Variants in SETX observed in about 807,000 individuals in gnomAD.
SETX encodes the protein helicase senataxin.
A neutral mutation model predicts 227.2 loss-of-function variants in SETX; 90 were observed. That is an observed-to-expected ratio of 0.40 (90% CI 0.33 to 0.47). The LOEUF is 0.47. Ranked by LOEUF, SETX falls within the 20% of genes least tolerant of loss-of-function variation. SETX has a pLI of 0.91. For missense variants in SETX, 3,052 were observed against 3,181.5 expected (o/e 0.96, Z 0.98); for synonymous variants, 1,210 against 1,113.2 (o/e 1.09, Z -1.73).
chr9:132,328,678 T>G lies in SETX; in HGVS notation c.2920A>C (p.Ile974Leu). ...KLSLLAQASV[I>L]TFPSDSPQNS... The stretch of plus-strand genomic sequence containing the variant: ...TGAGGTGAATCGGATGGGAACGTAA[T>G]AACACTGGCTTGAGCTAGTAAAGAT... The change falls in exon 10 of 26, where the codon ATT (isoleucine) becomes CTT (leucine). Residue 974 changes from isoleucine (I) to leucine (L), a missense_variant. Physicochemically the swap from Ile to Leu is conservative, Grantham distance 5. Around this residue, in one of 10 missense-constraint regions of SETX, gnomAD observed 1,483 missense variants for 1,312.0 expected, o/e 1.13. Transcript: ENST00000224140. 1 of 1,613,788 alleles carries G rather than the reference T, an allele frequency of 6.2e-7. No homozygotes were observed. The highest frequency in any genetic ancestry group is 8.5e-7 in the Non-Finnish European group (1 of 1,179,844).
chr9:132,310,456 T>C (rs902257172), intron 11 of SETX, among the ~76,000 whole-genome samples: 2 of 152,242 alleles, frequency 1.3e-5, no homozygotes, highest in African/African-American at 4.8e-5. Context: ...GTGATCATAG[T>C]AGCATTATTC....
chr9:132,317,419 C>T (rs1371802058), intron 10 of SETX, among the ~76,000 whole-genome samples: 1 of 152,202 alleles, frequency 6.6e-6, no homozygotes, highest in Non-Finnish European at 1.5e-5. Flanking sequence ...CAGCTGTCAT[C>T]TACAACTGTT....
intron 10 of SETX, among the ~76,000 whole-genome samples, chr9:132,324,068 G>A (rs1564533287): frequency 6.6e-6 from 1 of 152,096 alleles, no homozygotes; most frequent in Non-Finnish European, 1.5e-5. Context: ...AATGGAACTT[G>A]TGCTCATTCT....
chr9:132,344,174 T>G (rs1848158030), intron 4 of SETX, among the ~76,000 whole-genome samples: 1 of 152,172 alleles, frequency 6.6e-6, no homozygotes, highest in Admixed American at 6.5e-5. Context: ...AAAAGATCCA[T>G]GTATGACTGG....
rs1842448349 is a variant in SETX at position 132,262,469 on chromosome 9, T to C, written c.*1770A>G. 2 of 152,242 alleles carry C rather than the reference T, an allele frequency of 1.3e-5. No homozygotes were observed. The highest frequency in any genetic ancestry group is 4.8e-5 in the African/African-American group (2 of 41,434). The allele number at this position is 152,242 out of a possible 1,614,324, so 9.4% of individuals were successfully genotyped here. ...CTTCCCAAAGGCACATGGAAGAAGCTGATAGAGCCCTTGACCCAGACAGAA... is the reference window on the plus strand; with the variant it reads ...CTTCCCAAAGGCACATGGAAGAAGCCGATAGAGCCCTTGACCCAGACAGAA... On this transcript the variant is annotated 3_prime_UTR_variant, in exon 26 of 26. Transcript: ENST00000224140.
intron 25 of SETX, chr9:132,269,311 A>G: frequency 1.5e-5 from 14 of 910,988 alleles, no homozygotes; most frequent in Non-Finnish European, 2.1e-5. Context: ...ACTAAGTGCC[A>G]AGCAATTGCT....
Position 132,275,229 on chromosome 9 carries a change from T to C in SETX, c.7100+27A>G, listed in dbSNP as rs2296865. The C allele has an allele frequency of 0.14, 221,016 of 1,607,116 alleles. 19,889 individuals carry two copies. Among genetic ancestry groups the C allele is most frequent in the East Asian group, 0.45 (20,322 of 44,778 alleles). On this transcript the variant is annotated intron_variant, in intron 23 of 25. Coordinates refer to ENST00000224140, the MANE Select transcript of SETX (RefSeq NM_015046.7). ...CTCTCATTCTAATTCAACAAGAAAA[T>C]TGGAAATATTTATAAAAATGCCTCA... is the stretch of plus-strand genomic sequence containing the variant.
intron 2 of SETX, among the ~76,000 whole-genome samples, chr9:132,351,169 C>G (rs530229964): frequency 7.9e-5 from 12 of 151,740 alleles, no homozygotes; most frequent in Non-Finnish European, 1.3e-4. Context: ...TTTCCGGTAA[C>G]CTAGTTTAAT....
intron 10 of SETX, among the ~76,000 whole-genome samples, chr9:132,321,697 A>G: frequency 6.7e-6 from 1 of 150,236 alleles, no homozygotes; most frequent in African/African-American, 2.4e-5. Context: ...AACCCACAAA[A>G]ATTAGCCGGG....
At chr9:132,302,199 T>C (rs1366653845) in intron 11 of SETX, among the ~76,000 whole-genome samples, 1 of 150,264 alleles carries the variant, frequency 6.7e-6, no homozygotes, top group Non-Finnish European at 1.5e-5. Flanking sequence ...CTACTAAAAA[T>C]ACAAAAAATT....
At chr9:132,298,454 C>T (rs1844802649) in intron 12 of SETX, 142 bp from the exon 13 acceptor site, 11 of 752,972 alleles carry the variant, frequency 1.5e-5, no homozygotes, top group Admixed American at 2.1e-5. Context: ...TTATGGACTG[C>T]TTCCTGAACC....
Position 132,349,351 on chromosome 9 carries a change from C to G in SETX, c.78G>C (p.Pro26=). 6.2e-7 allele frequency: 1 copy of G among 1,614,038 alleles called. No individual in the cohort carries two copies. Among genetic ancestry groups the G allele is most frequent in the Non-Finnish European group, 8.5e-7 (1 of 1,180,016 alleles). Residue 26 remains proline (P), a synonymous_variant, in exon 3 of 26, where the codon CCG becomes CCC. Transcript: ENST00000224140. The part of the protein sequence containing the change: ...DFLKRYASNT[P]SGEFQTADED... ...CGTCGGCTGTTTGAAATTCACCGGA[C>G]GGAGTGTTGGAAGCATAGCGCTTTA...
chr9:132,349,617 T>C (rs1232118613), intron 2 of SETX, among the ~76,000 whole-genome samples, 182 bp from the exon 3 acceptor site: 1 of 152,204 alleles, frequency 6.6e-6, no homozygotes, highest in African/African-American at 2.4e-5. Context: ...CCTTCTATTT[T>C]TGACATACGA....
At chr9:132,343,420 C>T (rs1848112088) in intron 4 of SETX, among the ~76,000 whole-genome samples, 1 of 152,096 alleles carries the variant, frequency 6.6e-6, no homozygotes, top group African/African-American at 2.4e-5. Flanking sequence ...GGTTATAGGT[C>T]CAACTCCATT....
At position 132,328,101 on chromosome 9, in the gene SETX, T is replaced by C. The variant is rs1554820858; in HGVS notation, c.3497A>G (p.Glu1166Gly). The C allele has an allele frequency of 1.2e-6, 2 of 1,614,078 alleles. No individual in the cohort carries two copies. The highest frequency in any genetic ancestry group is 1.6e-4 in the Middle Eastern group (1 of 6,062). ...CACAGGATCTTCAGCCATTGGTTTT[T>C]CAGATCGTTTTCTCTTAGGCTTTTT... ...EVKKPKRKRSEKPMAEDPVRP... is the reference protein window; with the variant it reads ...EVKKPKRKRSGKPMAEDPVRP... The change falls in exon 10 of 26, where the codon GAA (glutamate) becomes GGA (glycine). Residue 1166 changes from glutamate (E) to glycine (G), a missense_variant. Around this residue, in one of 10 missense-constraint regions of SETX, gnomAD observed 1,483 missense variants for 1,312.0 expected, o/e 1.13. Transcript: ENST00000224140.
In SETX at chr9:132,327,244, G is replaced by C. The variant is rs761029791; in HGVS notation, c.4354C>G (p.Pro1452Ala). The C allele has an allele frequency of 6.2e-7, 1 of 1,614,148 alleles. No homozygotes were observed. The highest frequency in any genetic ancestry group is 1.1e-5 in the South Asian group (1 of 91,082). ...CDSVVLNGTV[P>A]TNEVIVSTSE... ...GTGGAGACAATTACTTCATTTGTTGGTACTGTTCCATTTAACACTACAGAA... is the reference window on the plus strand; with the variant it reads ...GTGGAGACAATTACTTCATTTGTTGCTACTGTTCCATTTAACACTACAGAA... Residue 1452 changes from proline (P) to alanine (A), a missense_variant, in exon 10 of 26, where the codon CCA becomes GCA. Around this residue, in one of 10 missense-constraint regions of SETX, gnomAD observed 1,483 missense variants for 1,312.0 expected, o/e 1.13. Transcript: ENST00000224140.
At chr9:132,345,824 C>G (rs187971183) in intron 4 of SETX, among the ~76,000 whole-genome samples, 4 of 152,158 alleles carry the variant, frequency 2.6e-5, no homozygotes, top group African/African-American at 9.6e-5. Context: ...CAACACCAGC[C>G]TGGGCAACAG....
At chr9:132,306,899 G>A (rs1845368011) in intron 11 of SETX, among the ~76,000 whole-genome samples, 1 of 152,186 alleles carries the variant, frequency 6.6e-6, no homozygotes, top group South Asian at 2.1e-4. Flanking sequence ...ATTTTATTAG[G>A]TATATGCATT....
rs1297894034 is a variant in SETX, at chr9:132,264,188, A to T, written c.*51T>A. ...ATCTAGATGGTCCCACGAGCTGGTCATCTTCAGTTTACAATATGCTGTGGC... is the reference window on the plus strand; with the variant it reads ...ATCTAGATGGTCCCACGAGCTGGTCTTCTTCAGTTTACAATATGCTGTGGC... On this transcript the variant is annotated 3_prime_UTR_variant, in exon 26 of 26. Transcript: ENST00000224140. The T allele has an allele frequency of 8.1e-6, 13 of 1,611,610 alleles. No homozygotes were observed. Among genetic ancestry groups the T allele is most frequent in the Non-Finnish European group, 1.1e-5 (13 of 1,179,862 alleles).
Sources: gnomAD v4.1 joint callset for allele counts (sites outside exome capture counted in the v4.1 genomes callset) on GRCh38, gnomAD v4.1.1 for gene constraint, gnomAD v4.1.1 regional missense constraint, MANE v1.5 for transcripts, NCBI Gene and HGNC (gene_info 2026-07-23, HGNC 2026-07-21) for gene names.